Variants in FBXO39 observed in about 807,000 individuals in gnomAD.
The protein encoded by FBXO39 is F-box only protein 39.
In FBXO39, 22 loss-of-function variants were observed where a neutral mutation model predicts 36.6. That is an observed-to-expected ratio of 0.60 (90% CI 0.43 to 0.86). FBXO39 has a LOEUF of 0.86. Among genes scored for constraint, FBXO39 ranks in the 40% least tolerant of loss-of-function variants. The pLI is 0.00. For synonymous variants in FBXO39, 206 were observed against 205.8 expected (o/e 1.00, Z -0.01); for missense variants, 536 against 543.9 (o/e 0.99, Z 0.14).
At chr17:6,778,813 T>C (rs1388517996) in intron 1 of FBXO39, among the ~76,000 whole-genome samples, 1 of 152,244 alleles carries the variant, frequency 6.6e-6, no homozygotes, top group African/African-American at 2.4e-5. Flanking sequence ...CGGGACTCTC[T>C]AGTTGGGTCA....
chr17:6,783,092 A>G (rs1976528060), intron 2 of FBXO39, among the ~76,000 whole-genome samples: 1 of 152,164 alleles, frequency 6.6e-6, no homozygotes. Flanking sequence ...ACAACAGAAT[A>G]AAACTAGAAA....
chr17:6,785,675 T>TA (rs1320440373), intron 2 of FBXO39, among the ~76,000 whole-genome samples: 1 of 151,962 alleles, frequency 6.6e-6, no homozygotes. Flanking sequence ...GTAATCCAAT[T>TA]AAAAAATAGG....
rs747610836 is a variant in FBXO39 at position 6,780,398 on chromosome 17, AGCAAG to A, written c.533_537del (p.Gln178LeufsTer13). 1.9e-5 allele frequency: 31 copies of A among 1,614,180 alleles called. No individual in the cohort carries two copies. The highest frequency in any genetic ancestry group is 2.6e-5 in the Non-Finnish European group (31 of 1,180,034). ...CTAAAAGGGGCCAGGCTGACCGTGG[AGCAAG>A]GCTGCCAAATTCTCGACTCCCTCAG... is the stretch of plus-strand genomic sequence containing the variant. On this transcript the variant is annotated frameshift_variant, in exon 2 of 4. Transcript: ENST00000321535. LOFTEE classifies it high-confidence loss of function.
Position 6,787,485 on chromosome 17 carries a change from C to T in FBXO39, c.*57C>T. The T allele has an allele frequency of 6.2e-7, 1 of 1,602,832 alleles. No individual in the cohort carries two copies. Among genetic ancestry groups the T allele is most frequent in the East Asian group, 2.2e-5 (1 of 44,628 alleles). On this transcript the variant is annotated 3_prime_UTR_variant, in exon 4 of 4. Transcript: ENST00000321535. ...CACTTTGAACTTGAAAATCATTTCT[C>T]TTAGAACTACACTTGGGCACTGCCG...
chr17:6,783,534 C>A (rs1384439565), intron 2 of FBXO39, among the ~76,000 whole-genome samples: 1 of 151,592 alleles, frequency 6.6e-6, no homozygotes, highest in African/African-American at 2.4e-5. Flanking sequence ...TGAGAGAAGA[C>A]CCAAATAAAT....
At chr17:6,784,037 C>T (rs993079562) in intron 2 of FBXO39, among the ~76,000 whole-genome samples, 3 of 152,014 alleles carry the variant, frequency 2.0e-5, no homozygotes, top group Admixed American at 6.6e-5. Context: ...AAACCAAATT[C>T]GACAACACAT....
Position 6,780,566 on chromosome 17 carries a change from A to G in FBXO39, c.698A>G (p.Tyr233Cys). 5 of 1,613,992 alleles carry G rather than the reference A, an allele frequency of 3.1e-6. No homozygotes were observed. The highest frequency in any genetic ancestry group is 4.2e-6 in the Non-Finnish European group (5 of 1,180,000). ...FHNLVSLNLN[Y>C]NCISDELLEN... ...AATCTTGTGTCCCTGAACCTCAACT[A>G]CAACTGTATCTCCGACGAGCTGCTT... The change falls in exon 2 of 4, where the codon TAC (tyrosine) becomes TGC (cysteine). Residue 233 changes from tyrosine to cysteine, a missense_variant. Tyr to Cys is a radical substitution (Grantham distance 194). Coordinates refer to ENST00000321535, the MANE Select transcript of FBXO39 (RefSeq NM_153230.3).
chr17:6,782,186 A>G (rs1976516494), intron 2 of FBXO39, among the ~76,000 whole-genome samples: 1 of 152,228 alleles, frequency 6.6e-6, no homozygotes, highest in Admixed American at 6.5e-5. Context: ...TAGTTTGTTT[A>G]TGCAATAGTG....
intron 1 of FBXO39, among the ~76,000 whole-genome samples, chr17:6,779,074 C>T (rs1294026736): frequency 6.6e-6 from 1 of 152,108 alleles, no homozygotes; most frequent in East Asian, 1.9e-4. Flanking sequence ...GCTGTTACAC[C>T]TCTTGAATTT....
At position 6,780,966 on chromosome 17, in the gene FBXO39, T is replaced by C. The variant is rs1976503239; in HGVS notation, c.1023+75T>C. On this transcript the variant is annotated intron_variant, in intron 2 of 3. Transcript: ENST00000321535. The stretch of plus-strand genomic sequence containing the variant: ...CAGAAGAAAGCCCACTGCTGCCTGC[T>C]CTTGGCTAGGCTCCCAAATGTTCAC... The C allele has an allele frequency of 4.1e-6, 6 of 1,446,980 alleles. No homozygotes were observed. In the South Asian group the frequency reaches 6.5e-5, roughly 16 times the overall value. The allele number at this position is 1,446,980 out of a possible 1,614,324, so 89.6% of individuals were successfully genotyped here.
rs756968972 is a variant in FBXO39 at position 6,780,740 on chromosome 17, G to A, written c.872G>A (p.Arg291Gln). The A allele has an allele frequency of 7.4e-6, 12 of 1,613,970 alleles. No individual in the cohort carries two copies. The highest frequency in any genetic ancestry group is 1.7e-5 in the Admixed American group (1 of 59,996). Residue 291 changes from arginine to glutamine, a missense_variant, in exon 2 of 4, where the codon CGG (arginine) becomes CAG (glutamine). Transcript: ENST00000321535. The part of the protein sequence containing the change: ...TNLKVNFFFE[R>Q]IMKYERLARI... ...CTGAAGGTGAACTTCTTCTTTGAAC[G>A]GATCATGAAGTACGAACGCTTGGCC... is the stretch of plus-strand genomic sequence containing the variant.
In FBXO39 at chr17:6,787,027, C is replaced by T. The variant is rs541856661; in HGVS notation, c.1200+71C>T. On this transcript the variant is annotated intron_variant, in intron 3 of 3. Transcript: ENST00000321535. Reference sequence around the variant, plus strand: ...CAGGAATGGTGCTTCTGCTCTGGAACGAAGGGCTGAATAAGGCAGTGGGGG... The same window carrying T: ...CAGGAATGGTGCTTCTGCTCTGGAATGAAGGGCTGAATAAGGCAGTGGGGG... The T allele has an allele frequency of 1.1e-5, 17 of 1,512,594 alleles. No individual in the cohort carries two copies. The African/African-American group carries it at 1.4e-4, about 12-fold the overall frequency. 93.7% of individuals were successfully genotyped at this position (1,512,594 alleles called of 1,614,324 possible).
chr17:6,784,150 G>A (rs1976538707), intron 2 of FBXO39, among the ~76,000 whole-genome samples: 1 of 151,992 alleles, frequency 6.6e-6, no homozygotes, highest in African/African-American at 2.4e-5. Flanking sequence ...ACAACAGAAT[G>A]AAGAACAAAA....
intron 2 of FBXO39, 143 bp downstream of exon 2, chr17:6,781,034 C>T: frequency 1.2e-6 from 1 of 838,602 alleles, no homozygotes; most frequent in Non-Finnish European, 1.8e-6. Flanking sequence ...CCAACTAAGC[C>T]TCCTGCCCTC....
At chr17:6,782,037 T>C (rs1567671329) in intron 2 of FBXO39, among the ~76,000 whole-genome samples, 1 of 152,106 alleles carries the variant, frequency 6.6e-6, no homozygotes, top group Non-Finnish European at 1.5e-5. Flanking sequence ...ACATATAAGC[T>C]GATCGAAAAT....
Position 6,780,080 on chromosome 17 carries a change from A to G in FBXO39, c.212A>G (p.His71Arg), listed in dbSNP as rs1363430426. 6.2e-6 allele frequency: 10 copies of G among 1,614,066 alleles called. No homozygotes were observed. Among genetic ancestry groups the G allele is most frequent in the East Asian group, 2.2e-5 (1 of 44,900 alleles). ...ITFSGRPSRV[H>R]ASEVESAVWY... is the part of the protein sequence containing the mutation. The stretch of plus-strand genomic sequence containing the variant: ...TTCAGCGGGAGACCTTCCAGGGTAC[A>G]TGCATCTGAAGTTGAGTCAGCTGTT... Residue 71 changes from histidine (H) to arginine (R), a missense_variant, in exon 2 of 4, where the codon CAT (histidine) becomes CGT (arginine). Transcript: ENST00000321535.
chr17:6,787,043 G>A (rs1026557806), intron 3 of FBXO39, 87 bp downstream of exon 3: 2 of 1,435,668 alleles, frequency 1.4e-6, no homozygotes, highest in Non-Finnish European at 1.9e-6. Context: ...GCTGAATAAG[G>A]CAGTGGGGGA....
rs138181464 is a variant in FBXO39 at position 6,787,253 on chromosome 17, T to TGTGTGTGTGTGTGTGTGCGC, written c.1201-46_1201-45insTGTGTGTGTGTGTGTGCGCG. ...GTGTGTGTGTATGTGTGTGTGTGTG[T>TGTGTGTGTGTGTGTGTGCGC]GCGTGTGTGCGTGCTCATATGTGGA... On this transcript the variant is annotated intron_variant, in intron 3 of 3. Coordinates refer to ENST00000321535, the MANE Select transcript of FBXO39 (RefSeq NM_153230.3). 6.8e-5 allele frequency: 106 copies of TGTGTGTGTGTGTGTGTGCGC among 1,552,172 alleles called. 3 individuals are homozygous for TGTGTGTGTGTGTGTGTGCGC. In the African/African-American group the frequency reaches 1.3e-3, roughly 19 times the overall value.
At chr17:6,782,014 C>T (rs771938695) in intron 2 of FBXO39, among the ~76,000 whole-genome samples, 8 of 152,002 alleles carry the variant, frequency 5.3e-5, no homozygotes, top group Non-Finnish European at 8.8e-5. Flanking sequence ...TCATATCTTA[C>T]GTAGAAAGAC....
Sources: gnomAD v4.1 joint callset for allele counts (sites outside exome capture counted in the v4.1 genomes callset) on GRCh38, gnomAD v4.1.1 for gene constraint, MANE v1.5 for transcripts, NCBI Gene and HGNC (gene_info 2026-07-23, HGNC 2026-07-21) for gene names.